RPS6KC1: variants seen among roughly 807,000 people sequenced by gnomAD.
RPS6KC1 encodes the protein inactive ribosomal protein S6 kinase delta-1.
A neutral mutation model predicts 103.8 loss-of-function variants in RPS6KC1; 54 were observed. That is an observed-to-expected ratio of 0.52 (90% CI 0.42 to 0.65). RPS6KC1 has a LOEUF of 0.65. RPS6KC1 is among the 30% of genes least tolerant of loss of function. The pLI, the probability that RPS6KC1 is intolerant of heterozygous loss-of-function variation, is 0.00. For synonymous variants in RPS6KC1, 439 were observed against 438.7 expected (o/e 1.00, Z -0.01); for missense variants, 1,151 against 1,253.8 (o/e 0.92, Z 1.24).
chr1:213,114,972 T>G (rs1473924960), intron 4 of RPS6KC1, among the ~76,000 whole-genome samples: 1 of 152,222 alleles, frequency 6.6e-6, no homozygotes, highest in Non-Finnish European at 1.5e-5. Context: ...TTATTGAGGA[T>G]TTTTGCATCA....
Position 213,199,395 on chromosome 1 carries a change from A to G in RPS6KC1, c.1044+22903A>G, listed in dbSNP as rs148490978. 5.7e-3 allele frequency among the ~76,000 whole-genome samples: 866 copies of G among 152,286 alleles called. 4 individuals are homozygous for G. The highest frequency in any genetic ancestry group is 8.8e-3 in the Non-Finnish European group (600 of 68,034). ...ACATAAACAGAACTAAAGGACAAAA[A>G]CCACATGGTTATCTCAATACATGCA... On this transcript the variant is annotated intron_variant, in intron 8 of 14. Coordinates refer to ENST00000366960, the MANE Select transcript of RPS6KC1 (RefSeq NM_012424.6).
At chr1:213,104,603 A>G in intron 4 of RPS6KC1, 34 bp downstream of exon 4, 2 of 1,181,494 alleles carry the variant, frequency 1.7e-6, no homozygotes, top group South Asian at 3.0e-5. Context: ...TTTATATCTT[A>G]TTAAATACTT....
At chr1:213,360,548 C>G in the RPS6KC1 span, among the ~76,000 whole-genome samples, 3 of 152,338 alleles carry the variant, frequency 2.0e-5, no homozygotes, top group South Asian at 6.2e-4. Context: ...AAGCCTTCTT[C>G]TCTCAGCTCA....
At chr1:213,116,235 T>C (rs1322871373) in intron 4 of RPS6KC1, among the ~76,000 whole-genome samples, 1 of 152,088 alleles carries the variant, frequency 6.6e-6, no homozygotes, top group Non-Finnish European at 1.5e-5. Context: ...ATCTGGGTGC[T>C]CCTGTATTGG....
the RPS6KC1 span, among the ~76,000 whole-genome samples, chr1:213,403,373 C>A: frequency 6.6e-6 from 1 of 152,024 alleles, no homozygotes; most frequent in South Asian, 2.1e-4. Flanking sequence ...CAGGCTGTGT[C>A]GAGGACTCTC....
intron 10 of RPS6KC1, among the ~76,000 whole-genome samples, chr1:213,236,278 G>A (rs781446200): frequency 2.0e-5 from 3 of 152,168 alleles, no homozygotes; most frequent in Admixed American, 6.5e-5. Flanking sequence ...GGCGTAGGTC[G>A]TAAAGAATGG....
intron 10 of RPS6KC1, among the ~76,000 whole-genome samples, chr1:213,237,873 G>A (rs532811275): frequency 5.3e-5 from 8 of 152,020 alleles, no homozygotes; most frequent in South Asian, 2.1e-4. Context: ...ATGTACCTTA[G>A]CAATAACAGG....
the RPS6KC1 span, among the ~76,000 whole-genome samples, chr1:213,672,290 C>A: frequency 1.3e-5 from 2 of 152,234 alleles, no homozygotes; most frequent in Non-Finnish European, 2.9e-5. Flanking sequence ...TCTTTTCTCC[C>A]TTTCTCATCC....
the RPS6KC1 span, among the ~76,000 whole-genome samples, chr1:213,634,641 T>C: frequency 6.6e-6 from 1 of 151,708 alleles, no homozygotes; most frequent in Non-Finnish European, 1.5e-5. Context: ...AGATCTAAAA[T>C]CAACACCCTA....
chr1:213,500,205 T>C, the RPS6KC1 span, among the ~76,000 whole-genome samples: 2 of 152,226 alleles, frequency 1.3e-5, no homozygotes, highest in African/African-American at 2.4e-5. Context: ...GTAAGCTTTT[T>C]CCTATTTATT....
At chr1:213,057,824 C>T (rs1163511059) in intron 1 of RPS6KC1, among the ~76,000 whole-genome samples, 2 of 125,192 alleles carry the variant, frequency 1.6e-5, no homozygotes, top group African/African-American at 3.0e-5. Context: ...AGTGCAGTGG[C>T]GTGATCATGG....
chr1:213,292,862 A>G, the RPS6KC1 span, among the ~76,000 whole-genome samples: 2 of 152,230 alleles, frequency 1.3e-5, no homozygotes, highest in Admixed American at 6.5e-5. Flanking sequence ...GGGCTCCCCC[A>G]CAATGTTTCC....
chr1:213,455,121 C>A, the RPS6KC1 span, among the ~76,000 whole-genome samples: 1 of 152,114 alleles, frequency 6.6e-6, no homozygotes, highest in Admixed American at 6.5e-5. Flanking sequence ...TTTGGAGCAA[C>A]TCAGAGTGAT....
chr1:213,617,298 G>C, the RPS6KC1 span, among the ~76,000 whole-genome samples: 6 of 152,104 alleles, frequency 3.9e-5, no homozygotes, highest in Non-Finnish European at 5.9e-5. Context: ...CCACTGCCAG[G>C]CACCAGAAAT....
At chr1:213,767,982 G>A in the RPS6KC1 span, among the ~76,000 whole-genome samples, 1 of 152,174 alleles carries the variant, frequency 6.6e-6, no homozygotes, top group South Asian at 2.1e-4. Flanking sequence ...AGCAGGTAGG[G>A]AAAAGGGGTG....
At chr1:213,615,403 G>C in the RPS6KC1 span, among the ~76,000 whole-genome samples, 8 of 152,252 alleles carry the variant, frequency 5.3e-5, no homozygotes. Flanking sequence ...TTCAGTGCCT[G>C]CAATCTGCTA....
chr1:213,275,286 GTCTGCTT>G (rs2095110126), downstream of RPS6KC1, among the ~76,000 whole-genome samples: 1 of 152,126 alleles, frequency 6.6e-6, no homozygotes, highest in South Asian at 2.1e-4. Flanking sequence ...AGATATTTGA[GTCTGCTT>G]TCTGTCATTC....
At chr1:213,324,232 G>A in the RPS6KC1 span, among the ~76,000 whole-genome samples, 1 of 152,246 alleles carries the variant, frequency 6.6e-6, no homozygotes, top group African/African-American at 2.4e-5. Flanking sequence ...TACCAACGGA[G>A]TGAGGAATGT....
chr1:213,444,849 T>A, the RPS6KC1 span, among the ~76,000 whole-genome samples: 1 of 152,164 alleles, frequency 6.6e-6, no homozygotes, highest in African/African-American at 2.4e-5. Flanking sequence ...AACTGCTTTA[T>A]TAAGATATAA....
Sources: allele counts gnomAD v4.1 joint callset (sites outside exome capture counted in the v4.1 genomes callset), GRCh38; gene constraint gnomAD v4.1.1; transcripts MANE v1.5; gene names NCBI Gene and HGNC (gene_info 2026-07-23, HGNC 2026-07-21).